The following CLIP1 variants were observed in gnomAD, a reference collection of about 807,000 sequenced individuals.
CLIP1 encodes the protein CAP-Gly domain-containing linker protein 1.
In CLIP1, 66 loss-of-function variants were observed where a neutral mutation model predicts 161.6. The ratio of observed to expected loss-of-function variants is 0.41; its 90% CI spans 0.33 to 0.50. CLIP1 has a LOEUF of 0.50. CLIP1 is among the 20% of genes least tolerant of loss of function. The probability of loss-of-function intolerance (pLI) is 0.27; values close to 1 mark genes in which losing one functional copy is unlikely to be tolerated. For synonymous variants in CLIP1, 598 were observed against 626.2 expected, an observed-to-expected ratio of 0.96 and a Z score of 0.67; for missense variants, 1,376 against 1,702.0, an observed-to-expected ratio of 0.81 and a Z score of 3.37.
At chr12:122,319,166 G>T in intron 18 of CLIP1, 66 bp downstream of exon 18, 1 of 1,108,474 alleles carries the variant, frequency 9.0e-7, no homozygotes, top group Non-Finnish European at 1.4e-6. Flanking sequence ...TCCTGAGTCA[G>T]TGACCAAACA....
At chr12:122,376,586 C>T (rs912878662) in intron 3 of CLIP1, among the ~76,000 whole-genome samples, 1 of 152,082 alleles carries the variant, frequency 6.6e-6, no homozygotes, top group African/African-American at 2.4e-5. Flanking sequence ...CTTGCCTCAG[C>T]CTCCCGAGTA....
intron 1 of CLIP1, among the ~76,000 whole-genome samples, chr12:122,407,901 G>A (rs1254389840): frequency 6.6e-6 from 1 of 151,814 alleles, no homozygotes; most frequent in African/African-American, 2.4e-5. Context: ...ACAAGAAAAG[G>A]GTACAAAGAC....
At chr12:122,333,777 T>C (rs1184401102) in intron 14 of CLIP1, among the ~76,000 whole-genome samples, 2 of 152,192 alleles carry the variant, frequency 1.3e-5, no homozygotes, top group Admixed American at 1.3e-4. Flanking sequence ...AAGATGGCCG[T>C]TGGCTTGGAG....
At chr12:122,392,943 G>A (rs557390711) in intron 1 of CLIP1, among the ~76,000 whole-genome samples, 19 of 151,730 alleles carry the variant, frequency 1.3e-4, no homozygotes, top group Non-Finnish European at 2.1e-4. Context: ...CACCACCCCC[G>A]GCTAATTTTT....
In CLIP1 at chr12:122,309,877, G is replaced by A; in HGVS notation, c.3479C>T (p.Thr1160Ile). The part of the protein sequence containing the change: ...KMEEFRKEIE[T>I]LKQAAAQKSQ... ...CTTCTGAGCTGCTGCCTGCTTTAGG[G>A]TTTCTCTGCAAGGACAGTGAGTGCA... Residue 1160 changes from threonine to isoleucine, a missense_variant, in exon 20 of 26, where the codon ACC becomes ATC. This residue lies in a region of CLIP1 where 948 missense variants were observed against 1,134.8 expected (regional missense o/e 0.84). Coordinates refer to ENST00000620786, the MANE Select transcript of CLIP1 (RefSeq NM_001247997.2). 1 of 1,614,114 alleles carries A rather than the reference G, an allele frequency of 6.2e-7. No homozygotes were observed. Among genetic ancestry groups the A allele is most frequent in the Non-Finnish European group, 8.5e-7 (1 of 1,180,024 alleles).
chr12:122,329,901 T>A (rs1293324261), intron 15 of CLIP1, among the ~76,000 whole-genome samples: 1 of 152,132 alleles, frequency 6.6e-6, no homozygotes, highest in African/African-American at 2.4e-5. Flanking sequence ...GAGGATCACC[T>A]GAGGTCAGGA....
intron 19 of CLIP1, 48 bp from the exon 20 acceptor site, chr12:122,309,930 G>C (rs1267997145): frequency 6.2e-7 from 1 of 1,606,430 alleles, no homozygotes; most frequent in Admixed American, 1.7e-5. Context: ...AGACAGGCAA[G>C]GAAACTGTGG....
chr12:122,420,715 G>A (rs1460507845), intron 1 of CLIP1, among the ~76,000 whole-genome samples: 1 of 152,036 alleles, frequency 6.6e-6, no homozygotes, highest in African/African-American at 2.4e-5. Context: ...GCAGGTGGAT[G>A]ACTTGAGCCC....
At chr12:122,294,206 G>GTA (rs1322833448) in intron 20 of CLIP1, among the ~76,000 whole-genome samples, 1 of 151,156 alleles carries the variant, frequency 6.6e-6, no homozygotes, top group African/African-American at 2.4e-5. Flanking sequence ...GTGGGTGCCT[G>GTA]TAGTCCCAGC....
Position 122,355,807 on chromosome 12 carries a change from G to A in CLIP1, c.1006-495C>T, listed in dbSNP as rs1298853334. On this transcript the variant is annotated intron_variant, in intron 5 of 25. Coordinates refer to ENST00000620786, the MANE Select transcript of CLIP1 (RefSeq NM_001247997.2). This position sits in a 1 kb window ranked among gnomAD's most constrained non-coding sequence, Gnocchi z 4.1. ...TTTTTATATTTTTAGTAGAGACGGG[G>A]TTTTGCCATGTTCGCCAGGCTGTTC... 1.9e-5 allele frequency: 3 copies of A among 155,486 alleles called. No homozygotes were observed. The highest frequency in any genetic ancestry group is 4.3e-5 in the Non-Finnish European group (3 of 70,460). The allele number at this position is 155,486 out of a possible 1,614,324, so 9.6% of individuals were successfully genotyped here.
chr12:122,328,210 C>CTA, intron 16 of CLIP1, 48 bp from the exon 17 acceptor site: 1 of 1,613,438 alleles, frequency 6.2e-7, no homozygotes, highest in East Asian at 2.2e-5. Flanking sequence ...CATGCGTGTA[C>CTA]TATCCCTTGC....
intron 20 of CLIP1, among the ~76,000 whole-genome samples, chr12:122,289,803 ATG>A (rs1370926378): frequency 2.2e-5 from 3 of 134,078 alleles, no homozygotes; most frequent in Non-Finnish European, 4.7e-5. Flanking sequence ...CACACTGTTA[ATG>A]TTTTTTTTTT....
chr12:122,278,037 T>A, intron 24 of CLIP1, 117 bp downstream of exon 24: 1 of 862,132 alleles, frequency 1.2e-6, no homozygotes, highest in Non-Finnish European at 1.9e-6. Flanking sequence ...AGGAATGCAT[T>A]ACCAATTCAA....
At chr12:122,392,367 T>G (rs1955694276) in intron 1 of CLIP1, among the ~76,000 whole-genome samples, 2 of 152,222 alleles carry the variant, frequency 1.3e-5, no homozygotes, top group South Asian at 4.1e-4. Flanking sequence ...CTTTCTGTAT[T>G]TATTCCTTTT....
intron 20 of CLIP1, among the ~76,000 whole-genome samples, chr12:122,299,006 G>T (rs1277830327): frequency 6.6e-6 from 1 of 152,136 alleles, no homozygotes; most frequent in East Asian, 1.9e-4. Context: ...CGGGGGTATC[G>T]TGACTGCCTG....
At position 122,328,004 on chromosome 12, in the gene CLIP1, C is replaced by T; in HGVS notation, c.3192G>A (p.Glu1064=). 6.2e-7 allele frequency: 1 copy of T among 1,614,178 alleles called. No homozygotes were observed. Among genetic ancestry groups the T allele is most frequent in the South Asian group, 1.1e-5 (1 of 91,080 alleles). Residue 1064 remains glutamate (E), a synonymous_variant, in exon 17 of 26, where the codon GAG becomes GAA. Coordinates refer to ENST00000620786, the MANE Select transcript of CLIP1 (RefSeq NM_001247997.2). ...TEDKLKGARE[E]NSGLLQELEE... ...CCAGCTCCTGCAGCAAGCCACTGTT[C>T]TCCTCCCGTGCGCCCTTCAGCTTGT...
At position 122,402,291 on chromosome 12, in the gene CLIP1, A is replaced by T. The variant is rs529995342; in HGVS notation, c.-107+20230T>A. 3.9e-5 allele frequency among the ~76,000 whole-genome samples: 6 copies of T among 152,310 alleles called. No homozygotes were observed. The East Asian group carries it at 1.2e-3, about 29-fold the overall frequency. Reference sequence around the variant, plus strand: ...TCACTTGAGTTCAGGATTTCAAGACAAGCCTGAGCAACATAGTGAGACTCC... The same window carrying T: ...TCACTTGAGTTCAGGATTTCAAGACTAGCCTGAGCAACATAGTGAGACTCC... On this transcript the variant is annotated intron_variant, in intron 1 of 25. Transcript: ENST00000620786.
At position 122,347,499 on chromosome 12, in the gene CLIP1, G is replaced by C. The variant is rs1442790569; in HGVS notation, c.1402-20C>G. On this transcript the variant is annotated intron_variant, in intron 9 of 25. Transcript: ENST00000620786. ...CTGCGTCTGTTAGTAAAAAGGAAGA[G>C]GAAGAGAACACAACAGTGCCACCAT... 1 of 1,589,602 alleles carries C rather than the reference G, an allele frequency of 6.3e-7. No individual in the cohort carries two copies. Among genetic ancestry groups the C allele is most frequent in the East Asian group, 2.2e-5 (1 of 44,610 alleles).
intron 1 of CLIP1, among the ~76,000 whole-genome samples, chr12:122,412,060 C>CTTTTTTTTT (rs71082989): frequency 1.2e-5 from 1 of 81,578 alleles, no homozygotes; most frequent in Non-Finnish European, 2.3e-5. Context: ...CAGTTATTTT[C>CTTTTTTTTT]TTTTTTTTTT....
Sources: gnomAD v4.1 joint callset for allele counts (sites outside exome capture counted in the v4.1 genomes callset) on GRCh38, gnomAD v4.1.1 for gene constraint, gnomAD v4.1.1 regional missense constraint, Gnocchi (gnomAD v3.1) non-coding constraint, MANE v1.5 for transcripts, NCBI Gene and HGNC (gene_info 2026-07-23, HGNC 2026-07-21) for gene names.